MTA3: variants seen among roughly 807,000 people sequenced by gnomAD.
MTA3 encodes metastasis-associated protein MTA3.
MTA3 carries 34 observed loss-of-function variants against 83.5 expected under a neutral mutation model. That is an observed-to-expected ratio of 0.41 (90% confidence interval 0.31 to 0.54). The LOEUF (loss-of-function observed/expected upper bound fraction) is 0.54. Ranked by LOEUF, MTA3 falls within the 20% of genes least tolerant of loss-of-function variation. MTA3 has a pLI of 0.33. For missense variants in MTA3, 761 were observed against 726.4 expected (o/e 1.05, Z -0.55); for synonymous variants, 303 against 252.7 (o/e 1.20, Z -1.89).
chr2:42,689,793 T>G (rs1692709302), intron 9 of MTA3, among the ~76,000 whole-genome samples: 1 of 150,244 alleles, frequency 6.7e-6, no homozygotes, highest in African/African-American at 2.5e-5. Context: ...TTTTCTTTTT[T>G]CTTGATCAGT....
intron 2 of MTA3, among the ~76,000 whole-genome samples, chr2:42,561,524 T>C (rs1232348142): frequency 6.6e-6 from 1 of 152,094 alleles, no homozygotes; most frequent in Non-Finnish European, 1.5e-5. Flanking sequence ...GGTTTCACCA[T>C]GTTGGCCAGG....
At position 42,756,909 on chromosome 2, in the gene MTA3, A is replaced by C; in HGVS notation, c.*3510A>C. On this transcript the variant is annotated 3_prime_UTR_variant, in exon 17 of 17. Transcript: ENST00000405094. ...TGTAAGGAGATGCCATCTACTAACC[A>C]ATTTGTATTGTGTTTCCAATAAATT... The C allele has an allele frequency of 1.0e-6, 1 of 985,448 alleles. No homozygotes were observed. The highest frequency in any genetic ancestry group is 1.2e-6 in the Non-Finnish European group (1 of 829,960). The allele number at this position is 985,448 out of a possible 1,614,324, so 61.0% of individuals were successfully genotyped here. A position where few individuals can be genotyped will look rare whatever the true frequency, so the allele number is the denominator to read the frequency against.
intron 4 of MTA3, among the ~76,000 whole-genome samples, chr2:42,629,140 T>A (rs890247600): frequency 6.6e-6 from 1 of 152,106 alleles, no homozygotes; most frequent in African/African-American, 2.4e-5. Context: ...AGTGCAGTAA[T>A]GTGATCTCAG....
At chr2:42,514,622 G>A (rs1036054505) in intron 2 of MTA3, among the ~76,000 whole-genome samples, 6 of 149,412 alleles carry the variant, frequency 4.0e-5, no homozygotes, top group Non-Finnish European at 7.4e-5. Context: ...GACCTCAAGC[G>A]ATCTGCCCAC....
intron 2 of MTA3, among the ~76,000 whole-genome samples, chr2:42,503,878 A>T (rs575003032): frequency 4.1e-4 from 63 of 151,850 alleles, no homozygotes; most frequent in Non-Finnish European, 6.9e-4. Flanking sequence ...ACAAATAAAT[A>T]AACAAACTGC....
rs527775787 is a variant in MTA3, at chr2:42,616,270, C to T, written c.317+6686C>T. Among the ~76,000 whole-genome samples, 5 of 152,186 alleles carry T rather than the reference C, an allele frequency of 3.3e-5. No homozygotes were observed. In the South Asian group the frequency reaches 1.0e-3, roughly 32 times the overall value. ...TTGAGACGGGGTTTCACCATGTTGG[C>T]CAGGCTGGCCTCGAACTCCTGACTT... On this transcript the variant is annotated intron_variant, in intron 4 of 16. Transcript: ENST00000405094.
At chr2:42,503,313 G>C (rs545972819) in intron 2 of MTA3, among the ~76,000 whole-genome samples, 5 of 152,164 alleles carry the variant, frequency 3.3e-5, no homozygotes, top group Non-Finnish European at 7.3e-5. Flanking sequence ...TAGCACTGAG[G>C]ACGACCAGAG....
intron 11 of MTA3, among the ~76,000 whole-genome samples, chr2:42,701,422 C>CAAAA (rs139663615): frequency 2.6e-5 from 3 of 117,028 alleles, no homozygotes; most frequent in South Asian, 2.9e-4. Flanking sequence ...CTGTATCTAT[C>CAAAA]AAAAAAAAAA....
chr2:42,737,437 A>G (rs1034421401), intron 16 of MTA3, among the ~76,000 whole-genome samples: 1 of 152,122 alleles, frequency 6.6e-6, no homozygotes, highest in Admixed American at 6.5e-5. Flanking sequence ...AAGTTTCACA[A>G]TCACTGTGTT....
chr2:42,651,758 C>T (rs1053392325), intron 6 of MTA3, among the ~76,000 whole-genome samples: 1 of 149,592 alleles, frequency 6.7e-6, no homozygotes, highest in Admixed American at 6.7e-5. Flanking sequence ...TGGTTGTCCG[C>T]CACTGTACTC....
intron 4 of MTA3, among the ~76,000 whole-genome samples, chr2:42,624,705 T>C: frequency 6.6e-6 from 1 of 152,212 alleles, no homozygotes; most frequent in South Asian, 2.1e-4. Flanking sequence ...TTTAAATATT[T>C]TGTAACTTCC....
At chr2:42,572,540 A>G (rs1383100425) in intron 2 of MTA3, among the ~76,000 whole-genome samples, 1 of 151,422 alleles carries the variant, frequency 6.6e-6, no homozygotes, top group Non-Finnish European at 1.5e-5. Context: ...GCATCACTGC[A>G]CTCCAGCCTG....
At chr2:42,626,220 G>T (rs568935398) in intron 4 of MTA3, among the ~76,000 whole-genome samples, 1 of 150,316 alleles carries the variant, frequency 6.7e-6, no homozygotes, top group Admixed American at 6.6e-5. Flanking sequence ...TGGGATTACA[G>T]GCGTGAACCA....
rs576862177 is a variant in MTA3, at chr2:42,645,103, G to A, written c.499+859G>A. Among the ~76,000 whole-genome samples the A allele has an allele frequency of 3.4e-5, 5 of 147,960 alleles. No homozygotes were observed. The East Asian group carries it at 1.0e-3, about 30-fold the overall frequency. On this transcript the variant is annotated intron_variant, in intron 6 of 16. Transcript: ENST00000405094. ...CAGTTAGCCAAGTTGTGAATGCAAAGGAAAAGTTCTTGAAGGAAATTAAAA... is the reference window on the plus strand; with the variant it reads ...CAGTTAGCCAAGTTGTGAATGCAAAAGAAAAGTTCTTGAAGGAAATTAAAA...
chr2:42,755,564 G>A lies in MTA3; in HGVS notation c.*2165G>A, dbSNP rs2104615954. On this transcript the variant is annotated 3_prime_UTR_variant, in exon 17 of 17. Transcript: ENST00000405094. ...AGTCCAGTCATCCTAGGAGGGTGATGTTGACTGAGACTTCACGCTCTCCCT... is the reference window on the plus strand; with the variant it reads ...AGTCCAGTCATCCTAGGAGGGTGATATTGACTGAGACTTCACGCTCTCCCT... The A allele has an allele frequency of 2.0e-6, 2 of 985,492 alleles. No homozygotes were observed. The highest frequency in any genetic ancestry group is 1.1e-4 in the East Asian group (1 of 8,808). The allele number at this position is 985,492 out of a possible 1,614,324, so 61.0% of individuals were successfully genotyped here. A position where few individuals can be genotyped will look rare whatever the true frequency, so the allele number is the denominator to read the frequency against.
chr2:42,690,670 TTTTAA>T (rs1338395137), intron 9 of MTA3, among the ~76,000 whole-genome samples: 1 of 133,438 alleles, frequency 7.5e-6, no homozygotes, highest in Non-Finnish European at 1.5e-5. Context: ...ACATGAAATT[TTTTAA>T]TTTAATTTTT....
intron 3 of MTA3, among the ~76,000 whole-genome samples, chr2:42,593,035 C>T (rs549656581): frequency 1.3e-5 from 2 of 152,034 alleles, no homozygotes; most frequent in Admixed American, 6.6e-5. Context: ...GGCCTGTAAT[C>T]GCAGCTACTT....
chr2:42,710,281 G>A (rs1160698012), intron 14 of MTA3, among the ~76,000 whole-genome samples: 4 of 152,152 alleles, frequency 2.6e-5, no homozygotes, highest in African/African-American at 7.2e-5. Flanking sequence ...GGCTGGGCGC[G>A]GTGGCTCATG....
intron 4 of MTA3, among the ~76,000 whole-genome samples, chr2:42,614,699 G>A (rs1347931695): frequency 6.6e-6 from 1 of 152,032 alleles, no homozygotes; most frequent in Non-Finnish European, 1.5e-5. Flanking sequence ...ATTCAGCTGG[G>A]TGCAGTGGCT....
Sources: allele counts gnomAD v4.1 joint callset (sites outside exome capture counted in the v4.1 genomes callset), GRCh38; gene constraint gnomAD v4.1.1; transcripts MANE v1.5; gene names NCBI Gene and HGNC (gene_info 2026-07-23, HGNC 2026-07-21).